The following GULP1 variants were observed in gnomAD, a reference collection of about 807,000 sequenced individuals.
The protein encoded by GULP1 is PTB domain-containing engulfment adapter protein 1.
GULP1 carries 19 observed loss-of-function variants against 40.9 expected under a neutral mutation model. The observed-to-expected ratio is 0.46, with a 90% CI of 0.32 to 0.68. The LOEUF (loss-of-function observed/expected upper bound fraction) is 0.68, where lower values mean the gene tolerates loss of function less well. Ranked by LOEUF, GULP1 falls within the 30% of genes least tolerant of loss-of-function variation. GULP1 has a pLI of 0.03. For missense variants in GULP1, 312 were observed against 362.2 expected (o/e 0.86, Z 1.12); for synonymous variants, 119 against 117.6 (o/e 1.01, Z -0.08).
intron 2 of GULP1, among the ~76,000 whole-genome samples, chr2:188,437,960 A>G (rs1041226757): frequency 3.3e-5 from 5 of 152,096 alleles, no homozygotes; most frequent in Admixed American, 1.3e-4. Flanking sequence ...CAGAAAAAAT[A>G]CCTGTTAGGT....
intron 7 of GULP1, among the ~76,000 whole-genome samples, chr2:188,550,058 A>C (rs1693050794): frequency 6.6e-6 from 1 of 151,730 alleles, no homozygotes; most frequent in Non-Finnish European, 1.5e-5. Context: ...AATTGGTACT[A>C]TAGTTTTGCA....
intron 2 of GULP1, among the ~76,000 whole-genome samples, chr2:188,475,776 A>G (rs954394535): frequency 6.6e-6 from 1 of 152,140 alleles, no homozygotes; most frequent in Non-Finnish European, 1.5e-5. Context: ...TATAGGTGAA[A>G]AGTGACTTTT....
intron 2 of GULP1, among the ~76,000 whole-genome samples, chr2:188,427,228 G>C (rs1393606223): frequency 6.6e-6 from 1 of 152,206 alleles, no homozygotes; most frequent in Non-Finnish European, 1.5e-5. Flanking sequence ...AAGGGAAGCA[G>C]AGCTTAATGT....
intron 3 of GULP1, among the ~76,000 whole-genome samples, chr2:188,478,955 A>G (rs1322216535): frequency 6.6e-6 from 1 of 152,146 alleles, no homozygotes; most frequent in Non-Finnish European, 1.5e-5. Context: ...ACTTTCAGCC[A>G]TGTAACAGGA....
chr2:188,374,281 A>G (rs1465484170), intron 1 of GULP1, among the ~76,000 whole-genome samples: 1 of 152,156 alleles, frequency 6.6e-6, no homozygotes, highest in Non-Finnish European at 1.5e-5. Context: ...GAGAAGCCAT[A>G]GAAAAATTCA....
intron 4 of GULP1, among the ~76,000 whole-genome samples, chr2:188,490,185 C>T (rs1169604260): frequency 1.3e-5 from 2 of 152,042 alleles, no homozygotes; most frequent in African/African-American, 2.4e-5. Flanking sequence ...ATTCATTATT[C>T]AAACTCGGTT....
At chr2:188,538,688 TGTGTGA>T (rs1206319739) in intron 6 of GULP1, among the ~76,000 whole-genome samples, 1 of 147,138 alleles carries the variant, frequency 6.8e-6, no homozygotes. Flanking sequence ...TGTGAGTGTG[TGTGTGA>T]GTGTGTGTGT....
chr2:188,472,652 C>T (rs1443309956), intron 2 of GULP1, among the ~76,000 whole-genome samples: 4 of 152,124 alleles, frequency 2.6e-5, no homozygotes, highest in African/African-American at 9.7e-5. Flanking sequence ...TTATTTCAAT[C>T]TCTTTCTTTA....
chr2:188,393,066 T>A (rs1296231867), intron 2 of GULP1, among the ~76,000 whole-genome samples: 1 of 152,060 alleles, frequency 6.6e-6, no homozygotes, highest in Non-Finnish European at 1.5e-5. Context: ...GTTTTTTGGA[T>A]AGAATGTTCT....
At chr2:188,296,311 A>G (rs2034918255) in intron 1 of GULP1, among the ~76,000 whole-genome samples, 1 of 152,132 alleles carries the variant, frequency 6.6e-6, no homozygotes, top group Non-Finnish European at 1.5e-5. Context: ...GAGAATGGCT[A>G]AAAGTCATTG....
chr2:188,331,732 T>C (rs182827839), intron 1 of GULP1, among the ~76,000 whole-genome samples: 28 of 152,348 alleles, frequency 1.8e-4, no homozygotes, highest in African/African-American at 5.0e-4. Context: ...CAAAATGTTA[T>C]CAATGCTTGA....
At chr2:188,440,267 T>A (rs180869886) in intron 2 of GULP1, among the ~76,000 whole-genome samples, 3 of 152,348 alleles carry the variant, frequency 2.0e-5, no homozygotes, top group Non-Finnish European at 2.9e-5. Context: ...CTGTTAAAGC[T>A]TCTTTCACAT....
At chr2:188,453,911 T>C (rs930227564) in intron 2 of GULP1, among the ~76,000 whole-genome samples, 13 of 152,236 alleles carry the variant, frequency 8.5e-5, no homozygotes, top group Non-Finnish European at 1.6e-4. Flanking sequence ...CAGGTGCTTT[T>C]GGCCTTTCTT....
chr2:188,372,704 A>G lies in GULP1; in HGVS notation c.-171-11059A>G, dbSNP rs543195275. On this transcript the variant is annotated intron_variant, in intron 1 of 11. Coordinates refer to ENST00000409830, the MANE Select transcript of GULP1 (RefSeq NM_016315.4). ...AAATGAAATTAGACTGGACCTTTTT[A>G]TGTTGATATTTCTGCCCCTTTTATT... 5.3e-5 allele frequency among the ~76,000 whole-genome samples: 8 copies of G among 152,028 alleles called. No individual in the cohort carries two copies. In the South Asian group the frequency reaches 1.7e-3, roughly 32 times the overall value.
intron 1 of GULP1, among the ~76,000 whole-genome samples, chr2:188,380,350 T>C (rs575829693): frequency 6.6e-6 from 1 of 152,212 alleles, no homozygotes; most frequent in Admixed American, 6.5e-5. Context: ...GTTAGAGAAA[T>C]TACGACTGGC....
intron 5 of GULP1, among the ~76,000 whole-genome samples, chr2:188,526,662 CCTT>C (rs1282820954): frequency 1.3e-5 from 2 of 152,062 alleles, no homozygotes; most frequent in Non-Finnish European, 2.9e-5. Flanking sequence ...ATGAATATAA[CCTT>C]AGGCATGAGA....
intron 1 of GULP1, among the ~76,000 whole-genome samples, chr2:188,357,641 G>A (rs947961689): frequency 6.6e-6 from 1 of 152,026 alleles, no homozygotes; most frequent in Admixed American, 6.6e-5. Flanking sequence ...CAGTATAGAG[G>A]TTCCTCAAAA....
At chr2:188,301,064 G>A (rs1192738234) in intron 1 of GULP1, among the ~76,000 whole-genome samples, 3 of 152,168 alleles carry the variant, frequency 2.0e-5, no homozygotes, top group African/African-American at 7.2e-5. Flanking sequence ...ACCCAACCCG[G>A]AGTGCACTGG....
chr2:188,554,413 G>A (rs1694238556), intron 7 of GULP1, among the ~76,000 whole-genome samples: 2 of 151,688 alleles, frequency 1.3e-5, no homozygotes, highest in South Asian at 4.2e-4. Flanking sequence ...GGTCATTCAG[G>A]AGCATGTTGT....
Sources: allele counts gnomAD v4.1 joint callset (sites outside exome capture counted in the v4.1 genomes callset), GRCh38; gene constraint gnomAD v4.1.1; transcripts MANE v1.5; gene names NCBI Gene and HGNC (gene_info 2026-07-23, HGNC 2026-07-21).